The following SAG variants were observed in gnomAD, a reference collection of about 807,000 sequenced individuals.
SAG encodes the protein S-arrestin.
Under a neutral mutation model 55.0 loss-of-function variants are expected in SAG, and 45 were observed. The ratio of observed to expected loss-of-function variants is 0.82; its 90% confidence interval spans 0.64 to 1.05. The LOEUF is 1.05. SAG is among the 50% of genes least tolerant of loss of function. The probability of loss-of-function intolerance (pLI) is 0.00; values close to 1 mark genes in which losing one functional copy is unlikely to be tolerated. For synonymous variants in SAG, 189 were observed against 197.4 expected (o/e 0.96, Z 0.36); for missense variants, 455 against 512.1 (o/e 0.89, Z 1.08).
rs200634312 is a variant in SAG, at chr2:233,331,710, G to T, written c.804G>T (p.Ala268=). The part of the protein sequence containing the change: ...YYVKPVAMEE[A]QEKVPPNSTL... Reference sequence around the variant, plus strand: ...TCAAGCCCGTGGCTATGGAGGAAGCGCAGTGAGTAGCTGTTGGGGTTTCCG... The same window carrying T: ...TCAAGCCCGTGGCTATGGAGGAAGCTCAGTGAGTAGCTGTTGGGGTTTCCG... The change falls in exon 10 of 16, where the codon GCG becomes GCT. Residue 268 remains alanine (A), a splice_region_variant and synonymous_variant. Coordinates refer to ENST00000409110, the MANE Select transcript of SAG (RefSeq NM_000541.5). 349 of 1,611,062 alleles carry T rather than the reference G, an allele frequency of 2.2e-4. 1 individual carries two copies. Among genetic ancestry groups the T allele is most frequent in the Non-Finnish European group, 2.9e-4 (338 of 1,177,476 alleles).
intron 2 of SAG, among the ~76,000 whole-genome samples, chr2:233,310,864 G>T (rs575155388): frequency 6.6e-6 from 1 of 152,008 alleles, no homozygotes; most frequent in African/African-American, 2.4e-5. Flanking sequence ...CATCCTTACC[G>T]TGCCACCCAG....
At chr2:233,335,870 G>T (rs910219274) in intron 11 of SAG, among the ~76,000 whole-genome samples, 2 of 152,222 alleles carry the variant, frequency 1.3e-5, no homozygotes, top group Non-Finnish European at 2.9e-5. Context: ...ATATGCTGGG[G>T]GTTCCCTCTG....
intron 15 of SAG, 37 bp downstream of exon 15, chr2:233,346,449 T>G: frequency 1.2e-6 from 2 of 1,608,252 alleles, no homozygotes; most frequent in Non-Finnish European, 1.7e-6. Context: ...TGATTTGTCC[T>G]ATGCTCTGGG....
At chr2:233,341,677 A>G (rs1369103536) in intron 13 of SAG, among the ~76,000 whole-genome samples, 1 of 152,244 alleles carries the variant, frequency 6.6e-6, no homozygotes, top group East Asian at 1.9e-4. Context: ...ATTAGTGGTT[A>G]TGCCAGGGAC....
chr2:233,316,622 T>C (rs377046144), intron 3 of SAG, among the ~76,000 whole-genome samples: 351 of 152,164 alleles, frequency 2.3e-3, no homozygotes, highest in African/African-American at 7.7e-3. Flanking sequence ...GAAAGAATTT[T>C]AAAGAGTGTG....
chr2:233,321,803 A>T (rs1574935486), intron 5 of SAG, among the ~76,000 whole-genome samples: 1 of 152,330 alleles, frequency 6.6e-6, no homozygotes, highest in South Asian at 2.1e-4. Flanking sequence ...ACAAAATCAC[A>T]TTTACAAAAA....
chr2:233,328,411 A>G, intron 7 of SAG, 67 bp from the exon 8 acceptor site: 1 of 1,552,246 alleles, frequency 6.4e-7, no homozygotes, highest in East Asian at 2.3e-5. Context: ...CAGTGGGGAG[A>G]GAACAGAAGC....
chr2:233,326,302 G>A (rs1414197671), intron 6 of SAG, among the ~76,000 whole-genome samples: 2 of 152,064 alleles, frequency 1.3e-5, no homozygotes, highest in East Asian at 3.9e-4. Context: ...TAAAAATCAA[G>A]CTGGCTGGGC....
intron 2 of SAG, among the ~76,000 whole-genome samples, chr2:233,313,080 A>G (rs910800846): frequency 1.3e-5 from 2 of 152,238 alleles, no homozygotes. Context: ...CAAAGGAGAC[A>G]GGCTCCTGCA....
At chr2:233,313,129 G>A (rs1342269531) in intron 2 of SAG, among the ~76,000 whole-genome samples, 1 of 152,188 alleles carries the variant, frequency 6.6e-6, no homozygotes, top group Non-Finnish European at 1.5e-5. Context: ...ACTGAGGTGT[G>A]GTCGCAGGCC....
chr2:233,346,159 T>G (rs1701247962), intron 14 of SAG: 1 of 180,992 alleles, frequency 5.5e-6, no homozygotes, highest in African/African-American at 2.4e-5. Flanking sequence ...TCAAATAAAA[T>G]AAAATAATAA....
At chr2:233,329,438 T>A (rs1700677560) in intron 8 of SAG, 55 bp from the exon 9 acceptor site, 1 of 1,092,612 alleles carries the variant, frequency 9.2e-7, no homozygotes, top group Middle Eastern at 2.1e-4. Flanking sequence ...GCAGTAAGAT[T>A]AAAGACACCG....
At chr2:233,337,883 G>C (rs901954066) in intron 11 of SAG, among the ~76,000 whole-genome samples, 1 of 152,230 alleles carries the variant, frequency 6.6e-6, no homozygotes. Flanking sequence ...CACGCGATAA[G>C]CATCTGTGAT....
At chr2:233,311,640 A>T (rs1009885299) in intron 2 of SAG, among the ~76,000 whole-genome samples, 1 of 151,838 alleles carries the variant, frequency 6.6e-6, no homozygotes, top group Admixed American at 6.6e-5. Context: ...GTCTCACATC[A>T]CCCACTTCTC....
intron 5 of SAG, among the ~76,000 whole-genome samples, chr2:233,322,342 A>G (rs1195872361): frequency 1.3e-5 from 2 of 152,192 alleles, no homozygotes; most frequent in Non-Finnish European, 2.9e-5. Context: ...CGTTAAGTGT[A>G]CATTATAGAG....
rs3045566 is a variant in SAG at position 233,340,751 on chromosome 2, T to TTGTGTG, written c.1046+287_1046+292dup. On this transcript the variant is annotated intron_variant, in intron 13 of 15. Transcript: ENST00000409110. This position sits in a 1 kb window ranked among gnomAD's most constrained non-coding sequence, Gnocchi z 4.2. ...AACTGGCACACTCCATGCAGCCAGC[T>TTGTGTG]TGTGTGTGTGTGTGTGTGTTTGTGT... Among the ~76,000 whole-genome samples, 2 of 151,268 alleles carry TTGTGTG rather than the reference T, an allele frequency of 1.3e-5. No homozygotes were observed. The highest frequency in any genetic ancestry group is 2.4e-5 in the African/African-American group (1 of 41,120).
intron 2 of SAG, among the ~76,000 whole-genome samples, chr2:233,315,663 C>T (rs902674879): frequency 1.3e-5 from 2 of 151,396 alleles, no homozygotes; most frequent in African/African-American, 4.9e-5. Context: ...ATTTAACATG[C>T]AAATGGATGG....
At chr2:233,346,358 C>G (rs756997219) in intron 14 of SAG, 45 bp from the exon 15 acceptor site, 1 of 1,603,092 alleles carries the variant, frequency 6.2e-7, no homozygotes, top group South Asian at 1.1e-5. Flanking sequence ...TAACAAATGT[C>G]TCTCTCTCCC....
In SAG at chr2:233,319,104, TG is replaced by T. The variant is rs1700303435; in HGVS notation, c.181+310del. The T allele has an allele frequency of 3.7e-6, 2 of 538,294 alleles. No homozygotes were observed. Among genetic ancestry groups the T allele is most frequent in the Non-Finnish European group, 7.2e-6 (2 of 278,080 alleles). The allele number at this position is 538,294 out of a possible 1,614,324, so 33.3% of individuals were successfully genotyped here. A position where few individuals can be genotyped will look rare whatever the true frequency, so the allele number is the denominator to read the frequency against. ...TGCTCGCCCCTGTTTCATGTACTTC[TG>T]TGCTAGGGGCAAACTCAGGAGGGTG... On this transcript the variant is annotated intron_variant, in intron 4 of 15. Coordinates refer to ENST00000409110, the MANE Select transcript of SAG (RefSeq NM_000541.5). This position sits in a 1 kb window ranked among gnomAD's most constrained non-coding sequence, Gnocchi z 4.4.
Sources: allele counts gnomAD v4.1 joint callset (sites outside exome capture counted in the v4.1 genomes callset), GRCh38; gene constraint gnomAD v4.1.1; non-coding constraint Gnocchi (gnomAD v3.1); transcripts MANE v1.5; gene names NCBI Gene and HGNC (gene_info 2026-07-23, HGNC 2026-07-21).